IQGAP1: variants seen among roughly 807,000 people sequenced by gnomAD.
The protein encoded by IQGAP1 is IQ motif containing GTPase activating protein 1.
IQGAP1 carries 66 observed loss-of-function variants against 215.6 expected under a neutral mutation model. The ratio of observed to expected loss-of-function variants is 0.31; its 90% CI spans 0.25 to 0.38. The LOEUF is 0.38. IQGAP1 is among the 10% of genes least tolerant of loss of function. IQGAP1 has a pLI of 1.00. For synonymous variants in IQGAP1, 772 were observed against 728.7 expected (o/e 1.06, Z -0.96); for missense variants, 1,712 against 1,997.1 (o/e 0.86, Z 2.72).
rs777878615 is a variant in IQGAP1 at position 90,444,284 on chromosome 15, TATA to T, written c.913+807_913+809del. ...GTGTGTGTGTGTGTGTGTGTGTATA[TATA>T]TATTTTTTTTTTTCTTTAAGAGACA... On this transcript the variant is annotated intron_variant, in intron 9 of 37. Coordinates refer to ENST00000268182, the MANE Select transcript of IQGAP1 (RefSeq NM_003870.4). 5.8e-3 allele frequency among the ~76,000 whole-genome samples: 640 copies of T among 109,822 alleles called. 7 individuals are homozygous for T. Among genetic ancestry groups the T allele is most frequent in the African/African-American group, 0.024 (606 of 24,932 alleles). The allele number at this position is 109,822 out of a possible 152,430, so 72.0% of individuals were successfully genotyped here.
intron 5 of IQGAP1, among the ~76,000 whole-genome samples, chr15:90,437,279 C>A (rs9920046): frequency 5.3e-5 from 8 of 152,220 alleles, no homozygotes; most frequent in African/African-American, 1.9e-4. Context: ...ATCCAATCAC[C>A]TCTCACCAGG....
chr15:90,402,417 A>G (rs1188912012), intron 2 of IQGAP1, among the ~76,000 whole-genome samples: 2 of 152,166 alleles, frequency 1.3e-5, no homozygotes, highest in African/African-American at 2.4e-5. Flanking sequence ...TAAAAGCTCT[A>G]TTTCTTCTTT....
rs534624343 is a variant in IQGAP1 at position 90,407,534 on chromosome 15, G to A, written c.155+16661G>A. Among the ~76,000 whole-genome samples, 3 of 152,306 alleles carry A rather than the reference G, an allele frequency of 2.0e-5. No individual in the cohort carries two copies. In the South Asian group the frequency reaches 6.2e-4, roughly 32 times the overall value. On this transcript the variant is annotated intron_variant, in intron 2 of 37. Transcript: ENST00000268182. The stretch of plus-strand genomic sequence containing the variant: ...TAACAATAAGAAATTTCCAAACGGT[G>A]TCTGAGCTGCTTTGGGAAAACCCGT...
intron 2 of IQGAP1, among the ~76,000 whole-genome samples, chr15:90,401,968 C>G (rs1354208057): frequency 6.6e-6 from 1 of 152,166 alleles, no homozygotes; most frequent in Non-Finnish European, 1.5e-5. Flanking sequence ...TATTGGAATT[C>G]AAGCCCAGGT....
rs890316424 is a variant in IQGAP1 at position 90,482,113 on chromosome 15, A to C, written c.3470+13A>C. ...TGGACAAAATCCCGTGAGTGCCATC[A>C]GTTGTCATGACCCCCAGTAGAACCC... On this transcript the variant is annotated intron_variant, in intron 27 of 37. Transcript: ENST00000268182. 1 of 1,614,174 alleles carries C rather than the reference A, an allele frequency of 6.2e-7. No individual in the cohort carries two copies.
chr15:90,413,849 A>G (rs1453109513), intron 2 of IQGAP1, among the ~76,000 whole-genome samples: 1 of 152,188 alleles, frequency 6.6e-6, no homozygotes, highest in Non-Finnish European at 1.5e-5. Flanking sequence ...GGAAGCTCAG[A>G]GAAGTTAGCG....
chr15:90,440,886 A>C (rs1050258641), intron 7 of IQGAP1, among the ~76,000 whole-genome samples: 5 of 152,180 alleles, frequency 3.3e-5, no homozygotes, highest in Non-Finnish European at 7.3e-5. Context: ...AGGCGGGTGG[A>C]TCACCTGAGG....
rs768902763 is a variant in IQGAP1, at chr15:90,452,947, A to G, written c.1326+9A>G. The G allele has an allele frequency of 3.1e-6, 5 of 1,613,528 alleles. No individual in the cohort carries two copies. The highest frequency in any genetic ancestry group is 1.7e-5 in the Admixed American group (1 of 60,010). ...AGCGACAAAGTCCTGAAGTGAGTTC[A>G]CTAAACCTGTCCTGTTTGTGAGCAA... is the stretch of plus-strand genomic sequence containing the variant. On this transcript the variant is annotated intron_variant, in intron 12 of 37. Transcript: ENST00000268182.
At chr15:90,450,782 G>A (rs191063126) in intron 11 of IQGAP1, among the ~76,000 whole-genome samples, 12 of 146,684 alleles carry the variant, frequency 8.2e-5, no homozygotes. Context: ...ATTTGCCCAT[G>A]TAAAAATTGG....
Position 90,501,671 on chromosome 15 carries a change from A to G in IQGAP1, c.*1563A>G, listed in dbSNP as rs960759216. The stretch of plus-strand genomic sequence containing the variant: ...ATGGAGTGCCATGGAAGGATTCGCC[A>G]CTACCCAGACCTTGTTTTTTGTTGT... On this transcript the variant is annotated 3_prime_UTR_variant, in exon 38 of 38. Coordinates refer to ENST00000268182, the MANE Select transcript of IQGAP1 (RefSeq NM_003870.4). The G allele has an allele frequency of 7.2e-5, 11 of 152,346 alleles. No homozygotes were observed. The highest frequency in any genetic ancestry group is 6.5e-4 in the Admixed American group (10 of 15,306). The allele number at this position is 152,346 out of a possible 1,614,324, so 9.4% of individuals were successfully genotyped here.
At chr15:90,402,044 C>G (rs1964812078) in intron 2 of IQGAP1, among the ~76,000 whole-genome samples, 1 of 152,190 alleles carries the variant, frequency 6.6e-6, no homozygotes, top group Non-Finnish European at 1.5e-5. Flanking sequence ...TAAGTCTAAC[C>G]TCTTTAACTG....
At chr15:90,460,262 A>C (rs538661949) in intron 15 of IQGAP1, among the ~76,000 whole-genome samples, 2 of 152,182 alleles carry the variant, frequency 1.3e-5, no homozygotes, top group East Asian at 3.9e-4. Flanking sequence ...GCTAAACAAG[A>C]GCTTTATCAG....
At chr15:90,449,422 G>A in intron 10 of IQGAP1, 137 bp from the exon 11 acceptor site, 1 of 643,338 alleles carries the variant, frequency 1.6e-6, no homozygotes, top group South Asian at 2.4e-5. Flanking sequence ...CTGCCACCTT[G>A]GCTGCATGTA....
intron 37 of IQGAP1, among the ~76,000 whole-genome samples, chr15:90,499,293 C>CA (rs1739751839): frequency 6.6e-6 from 1 of 152,188 alleles, no homozygotes; most frequent in African/African-American, 2.4e-5. Flanking sequence ...TCCTGTTGTG[C>CA]AAGTCATTTA....
At position 90,487,110 on chromosome 15, in the gene IQGAP1, GA is replaced by G. The variant is rs746706281; in HGVS notation, c.4160+23del. 535 of 1,613,058 alleles carry G rather than the reference GA, an allele frequency of 3.3e-4. 2 individuals are homozygous for G. Among genetic ancestry groups the G allele is most frequent in the Non-Finnish European group, 3.8e-4 (447 of 1,179,304 alleles). On this transcript the variant is annotated intron_variant, in intron 32 of 37. Coordinates refer to ENST00000268182, the MANE Select transcript of IQGAP1 (RefSeq NM_003870.4). ...CTGAAGTGAGTATCAAAAGAAGGAA[GA>G]ATGAAATGAATGTAATCTGAAGGTT...
At chr15:90,471,094 A>G (rs971374279) in intron 18 of IQGAP1, among the ~76,000 whole-genome samples, 1 of 151,972 alleles carries the variant, frequency 6.6e-6, no homozygotes, top group Non-Finnish European at 1.5e-5. Flanking sequence ...TTTGCCCTTC[A>G]TTTTGCAGTC....
chr15:90,439,525 G>A (rs953763624), intron 6 of IQGAP1, 126 bp downstream of exon 6: 20 of 594,994 alleles, frequency 3.4e-5, no homozygotes, highest in Non-Finnish European at 5.0e-5. Flanking sequence ...AAAAAAATAC[G>A]AATAACTTGC....
At chr15:90,496,856 A>G (rs530049038) in intron 36 of IQGAP1, 7 of 162,392 alleles carry the variant, frequency 4.3e-5, no homozygotes, top group Admixed American at 1.3e-4. Flanking sequence ...TCAAACACAT[A>G]CACCCTCTCC....
chr15:90,441,107 C>CA (rs71723257), intron 7 of IQGAP1, among the ~76,000 whole-genome samples: 196 of 144,770 alleles, frequency 1.4e-3, no homozygotes, highest in Non-Finnish European at 1.0e-3. Context: ...AACTCTGTCT[C>CA]AAAAAAAAAA....
Sources: allele counts gnomAD v4.1 joint callset (sites outside exome capture counted in the v4.1 genomes callset), GRCh38; gene constraint gnomAD v4.1.1; transcripts MANE v1.5; gene names NCBI Gene and HGNC (gene_info 2026-07-23, HGNC 2026-07-21).